RIMBP2: variants seen among roughly 807,000 people sequenced by gnomAD.
RIMBP2 encodes RIMS-binding protein 2.
In RIMBP2, 48 loss-of-function variants were observed where a neutral mutation model predicts 118.6. The ratio of observed to expected loss-of-function variants is 0.40; its 90% CI spans 0.32 to 0.51. The LOEUF (loss-of-function observed/expected upper bound fraction) is 0.51. Among genes scored for constraint, RIMBP2 ranks in the 20% least tolerant of loss-of-function variants. RIMBP2 has a pLI of 0.41. For missense variants in RIMBP2, 1,551 were observed against 1,768.3 expected, an observed-to-expected ratio of 0.88 and a Z score of 2.20; for synonymous variants, 762 against 742.9, an observed-to-expected ratio of 1.03 and a Z score of -0.42.
At chr12:130,412,848 T>A (rs1201338521) in intron 18 of RIMBP2, 61 bp from the exon 19 acceptor site, 5 of 1,469,810 alleles carry the variant, frequency 3.4e-6, no homozygotes, top group Non-Finnish European at 4.6e-6. Context: ...AATACAATAG[T>A]CCCACTGACG....
rs1459988128 is a variant in RIMBP2, at chr12:130,679,163, G to A, written c.-352+37059C>T. On this transcript the variant is annotated intron_variant, in intron 1 of 22. Coordinates refer to ENST00000690449, the MANE Select transcript of RIMBP2 (RefSeq NM_001393629.1). ...AATCTAGAAGAATGATAAATTGTGC[G>A]TGCGGACTTTTTTAGGTAATGCAAA... 4.6e-5 allele frequency among the ~76,000 whole-genome samples: 7 copies of A among 152,274 alleles called. No homozygotes were observed. In the East Asian group the frequency reaches 5.8e-4, roughly 13 times the overall value.
intron 2 of RIMBP2, among the ~76,000 whole-genome samples, chr12:130,544,078 T>C (rs1399270603): frequency 2.0e-5 from 3 of 152,196 alleles, no homozygotes; most frequent in Admixed American, 6.5e-5. Context: ...GAACCTACCA[T>C]TCTTGTCTCA....
Position 130,683,595 on chromosome 12 carries a change from C to T in RIMBP2, c.-352+32627G>A, listed in dbSNP as rs548250418. Reference sequence around the variant, plus strand: ...TAAGTCACTGGATGAGATAGGAGGTCGACAAAAGACACAGGTCATAAAGAC... The same window carrying T: ...TAAGTCACTGGATGAGATAGGAGGTTGACAAAAGACACAGGTCATAAAGAC... On this transcript the variant is annotated intron_variant, in intron 1 of 22. Coordinates refer to ENST00000690449, the MANE Select transcript of RIMBP2 (RefSeq NM_001393629.1). This position sits in a 1 kb window ranked among gnomAD's most constrained non-coding sequence, Gnocchi z 4.4. 6.4e-4 allele frequency among the ~76,000 whole-genome samples: 97 copies of T among 152,144 alleles called. No homozygotes were observed. Among genetic ancestry groups the T allele is most frequent in the Non-Finnish European group, 9.4e-4 (64 of 68,012 alleles).
rs764771276 is a variant in RIMBP2 at position 130,441,897 on chromosome 12, C to T, written c.1455G>A (p.Glu485=). The change falls in exon 11 of 23, where the codon GAG becomes GAA. Residue 485 remains glutamate, a synonymous_variant. Coordinates refer to ENST00000690449, the MANE Select transcript of RIMBP2 (RefSeq NM_001393629.1). ...PHQMPWQLPL[E]QREKKEAFVE... is the part of the protein sequence containing the mutation. Reference sequence around the variant, plus strand: ...CAAAGGCCTCCTTCTTCTCCCTTTGCTCCAGCGGGAGCTGCCACGGCATCT... The same window carrying T: ...CAAAGGCCTCCTTCTTCTCCCTTTGTTCCAGCGGGAGCTGCCACGGCATCT... The T allele has an allele frequency of 6.2e-7, 1 of 1,613,886 alleles. No individual in the cohort carries two copies. The highest frequency in any genetic ancestry group is 8.5e-7 in the Non-Finnish European group (1 of 1,180,050).
At chr12:130,553,328 C>T (rs1262873862) in intron 2 of RIMBP2, among the ~76,000 whole-genome samples, 1 of 152,100 alleles carries the variant, frequency 6.6e-6, no homozygotes, top group East Asian at 1.9e-4. Flanking sequence ...CTCTTTCTGC[C>T]AGCTGCTGTG....
chr12:130,571,035 G>C (rs1444141777), intron 2 of RIMBP2, among the ~76,000 whole-genome samples: 4 of 152,160 alleles, frequency 2.6e-5, no homozygotes, highest in Non-Finnish European at 5.9e-5. Flanking sequence ...GGCAGGAACT[G>C]AGAAAAAAAT....
chr12:130,684,775 T>C (rs1041345837), intron 1 of RIMBP2, among the ~76,000 whole-genome samples: 3 of 152,202 alleles, frequency 2.0e-5, no homozygotes. Context: ...CCCATGATCT[T>C]TTTTTATCCC....
intron 11 of RIMBP2, among the ~76,000 whole-genome samples, chr12:130,438,835 C>T (rs1283193907): frequency 6.6e-6 from 1 of 152,160 alleles, no homozygotes; most frequent in African/African-American, 2.4e-5. Flanking sequence ...CCCGGCAGAG[C>T]TACCTCTGTC....
At chr12:130,684,339 G>A (rs146160757) in intron 1 of RIMBP2, among the ~76,000 whole-genome samples, 12 of 152,146 alleles carry the variant, frequency 7.9e-5, no homozygotes, top group Non-Finnish European at 1.5e-5. Flanking sequence ...AAACCAAGCT[G>A]CGCCCCAACC....
intron 2 of RIMBP2, among the ~76,000 whole-genome samples, chr12:130,519,900 C>T (rs2051896635): frequency 6.6e-6 from 1 of 152,184 alleles, no homozygotes; most frequent in East Asian, 1.9e-4. Context: ...GATTCAAGGA[C>T]ATCAATCTCA....
intron 2 of RIMBP2, among the ~76,000 whole-genome samples, chr12:130,601,665 C>G (rs2140438182): frequency 6.6e-6 from 1 of 152,252 alleles, no homozygotes; most frequent in South Asian, 2.1e-4. Context: ...TGAATTCATC[C>G]CAGGTTCTTT....
rs747498061 is a variant in RIMBP2 at position 130,447,982 on chromosome 12, A to G, written c.581+2218T>C. 2.0e-5 allele frequency among the ~76,000 whole-genome samples: 3 copies of G among 152,078 alleles called. No individual in the cohort carries two copies. Among genetic ancestry groups the G allele is most frequent in the Non-Finnish European group, 2.9e-5 (2 of 68,006 alleles). ...TGATTAGACCCGGGGCAGAAAACAT[A>G]ACCCCCTCCCTACATCTACCTGCAA... On this transcript the variant is annotated intron_variant, in intron 9 of 22. Coordinates refer to ENST00000690449, the MANE Select transcript of RIMBP2 (RefSeq NM_001393629.1). The surrounding 1 kb of genome is among the most constrained non-coding windows in gnomAD (Gnocchi z 4.4).
chr12:130,713,653 T>C (rs1035446713), intron 1 of RIMBP2, among the ~76,000 whole-genome samples: 2 of 152,098 alleles, frequency 1.3e-5, no homozygotes, highest in African/African-American at 4.8e-5. Flanking sequence ...ATTCCAAACC[T>C]TGGGGCAGAA....
At chr12:130,495,181 G>A (rs2049027468) in intron 4 of RIMBP2, among the ~76,000 whole-genome samples, 1 of 152,198 alleles carries the variant, frequency 6.6e-6, no homozygotes, top group Non-Finnish European at 1.5e-5. Context: ...TAGGACTTGG[G>A]CGTCATTTGG....
Position 130,576,712 on chromosome 12 carries a change from A to G in RIMBP2, c.-217+51610T>C, listed in dbSNP as rs1213582205. ...TTAGCACAAACTGCCAGCAGCAGCG[A>G]GGAGGAGCCCCGCCGAGCGCCGAGA... On this transcript the variant is annotated intron_variant, in intron 2 of 22. Transcript: ENST00000690449. The surrounding 1 kb of genome is among the most constrained non-coding windows in gnomAD (Gnocchi z 4.2). 1.3e-5 allele frequency among the ~76,000 whole-genome samples: 2 copies of G among 152,234 alleles called. No homozygotes were observed. Among genetic ancestry groups the G allele is most frequent in the African/African-American group, 4.8e-5 (2 of 41,468 alleles).
intron 1 of RIMBP2, among the ~76,000 whole-genome samples, chr12:130,662,021 G>A (rs930473736): frequency 1.3e-5 from 2 of 152,204 alleles, no homozygotes; most frequent in African/African-American, 4.8e-5. Context: ...TACTTGGAGG[G>A]AATGGGGCTG....
At chr12:130,655,463 G>A (rs1162374138) in intron 1 of RIMBP2, among the ~76,000 whole-genome samples, 1 of 152,162 alleles carries the variant, frequency 6.6e-6, no homozygotes, top group Admixed American at 6.5e-5. Flanking sequence ...AGGAGGGGTG[G>A]GCAGGGCGGA....
chr12:130,636,485 A>C (rs7298706), intron 1 of RIMBP2, among the ~76,000 whole-genome samples: 16,183 of 152,172 alleles, frequency 0.11, 876 homozygotes, highest in African/African-American at 0.14. Context: ...ACTAAACCTC[A>C]ATTGACTCAG....
intron 1 of RIMBP2, among the ~76,000 whole-genome samples, chr12:130,638,585 G>A (rs544633351): frequency 3.3e-5 from 5 of 152,212 alleles, no homozygotes; most frequent in South Asian, 2.1e-4. Context: ...CTATGCATGC[G>A]AGGGATCTGG....
Sources: allele counts gnomAD v4.1 joint callset (sites outside exome capture counted in the v4.1 genomes callset), GRCh38; gene constraint gnomAD v4.1.1; non-coding constraint Gnocchi (gnomAD v3.1); transcripts MANE v1.5; gene names NCBI Gene and HGNC (gene_info 2026-07-23, HGNC 2026-07-21).